XYLT1: variants seen among roughly 807,000 people sequenced by gnomAD.
The protein encoded by XYLT1 is beta-D-xylosyltransferase 1.
Under a neutral mutation model 91.3 loss-of-function variants are expected in XYLT1, and 36 were observed. The observed-to-expected ratio is 0.39, with a 90% CI of 0.30 to 0.52. The LOEUF is 0.52. Ranked by LOEUF, XYLT1 falls within the 20% of genes least tolerant of loss-of-function variation. The pLI is 0.68. For missense variants in XYLT1, 1,242 were observed against 1,284.5 expected (o/e 0.97, Z 0.51); for synonymous variants, 588 against 532.0 (o/e 1.11, Z -1.45).
At chr16:17,438,252 TC>T (rs2036486309) in intron 1 of XYLT1, among the ~76,000 whole-genome samples, 1 of 152,138 alleles carries the variant, frequency 6.6e-6, no homozygotes, top group African/African-American at 2.4e-5. Flanking sequence ...TTAATAGCGC[TC>T]TCCCCTAACT....
chr16:17,390,046 C>CTCTTCAGCA (rs1332822622), intron 1 of XYLT1, among the ~76,000 whole-genome samples: 1 of 152,212 alleles, frequency 6.6e-6, no homozygotes, highest in African/African-American at 2.4e-5. Flanking sequence ...CCCTGCCCAT[C>CTCTTCAGCA]TCTTCAGCAT....
chr16:17,369,364 C>A (rs1232521588), intron 1 of XYLT1, among the ~76,000 whole-genome samples: 1 of 152,050 alleles, frequency 6.6e-6, no homozygotes, highest in Admixed American at 6.6e-5. Flanking sequence ...TCATGATATT[C>A]TGATTTGTGG....
chr16:17,126,619 C>T (rs936761797), intron 10 of XYLT1, among the ~76,000 whole-genome samples: 6 of 152,230 alleles, frequency 3.9e-5, no homozygotes, highest in African/African-American at 1.4e-4. Flanking sequence ...CCAACATACT[C>T]TTAGCCCCTC....
intron 1 of XYLT1, among the ~76,000 whole-genome samples, chr16:17,393,920 C>T (rs1419344974): frequency 3.9e-5 from 6 of 152,000 alleles, no homozygotes; most frequent in East Asian, 1.9e-4. Context: ...GGACTACAGG[C>T]GCCCGCCACC....
At chr16:17,121,583 T>C (rs1481371317) in intron 10 of XYLT1, among the ~76,000 whole-genome samples, 1 of 152,232 alleles carries the variant, frequency 6.6e-6, no homozygotes, top group Non-Finnish European at 1.5e-5. Context: ...ATAATGTGTA[T>C]GTATATGTAT....
intron 2 of XYLT1, among the ~76,000 whole-genome samples, chr16:17,324,342 T>A (rs1049526109): frequency 1.3e-5 from 2 of 152,138 alleles, no homozygotes; most frequent in Non-Finnish European, 2.9e-5. Context: ...GAGCCCAGCA[T>A]GACACATGCG....
intron 2 of XYLT1, among the ~76,000 whole-genome samples, chr16:17,355,916 G>T (rs1368027096): frequency 1.3e-5 from 2 of 152,052 alleles, no homozygotes; most frequent in African/African-American, 2.4e-5. Flanking sequence ...GTTTCACCAT[G>T]TTGGCCAGGC....
intron 1 of XYLT1, chr16:17,446,223 C>A (rs1438433696): frequency 6.6e-6 from 1 of 152,230 alleles, no homozygotes; most frequent in Non-Finnish European, 1.5e-5. Context: ...AATCCAGCCT[C>A]TGTGAGCTGC....
chr16:17,239,585 C>A (rs2033312078), intron 3 of XYLT1, among the ~76,000 whole-genome samples: 1 of 131,520 alleles, frequency 7.6e-6, no homozygotes, highest in East Asian at 2.3e-4. Flanking sequence ...CATCCACTCA[C>A]CTAGTCCGTC....
chr16:17,456,090 C>T (rs147038059), intron 1 of XYLT1, among the ~76,000 whole-genome samples: 2 of 152,148 alleles, frequency 1.3e-5, no homozygotes, highest in East Asian at 1.9e-4. Flanking sequence ...AGGTGGAGGC[C>T]GTCACCCCAG....
At chr16:17,293,162 C>A (rs1370532141) in intron 2 of XYLT1, among the ~76,000 whole-genome samples, 1 of 152,172 alleles carries the variant, frequency 6.6e-6, no homozygotes, top group Non-Finnish European at 1.5e-5. Context: ...AGTTGATTCT[C>A]TGTCGGCTAC....
chr16:17,227,422 A>G, intron 3 of XYLT1: 1 of 153,020 alleles, frequency 6.5e-6, no homozygotes, highest in African/African-American at 2.4e-5. Flanking sequence ...AGGGAGGAGG[A>G]GCAGCAGGAA....
chr16:17,467,142 G>A (rs988469284), intron 1 of XYLT1, among the ~76,000 whole-genome samples: 1 of 152,162 alleles, frequency 6.6e-6, no homozygotes, highest in Non-Finnish European at 1.5e-5. Context: ...ATTCTACTTT[G>A]TGTGCTTATG....
At chr16:17,197,207 T>C (rs1197715722) in intron 5 of XYLT1, among the ~76,000 whole-genome samples, 1 of 151,886 alleles carries the variant, frequency 6.6e-6, no homozygotes, top group Non-Finnish European at 1.5e-5. Flanking sequence ...TGAACCCTGC[T>C]GTTCCTCGCA....
chr16:17,353,366 A>G (rs1027516489), intron 2 of XYLT1, among the ~76,000 whole-genome samples: 40 of 152,176 alleles, frequency 2.6e-4, no homozygotes, highest in African/African-American at 9.4e-4. Context: ...TGAGGGCAGG[A>G]GGAGGCAGAG....
rs955329159 is a variant in XYLT1 at position 17,312,347 on chromosome 16, G to A, written c.402+45665C>T. ...TCCCTGCTGGCATAGTACTGTGAAG[G>A]ACTCAATGAAACATCCCTGAAATCC... On this transcript the variant is annotated intron_variant, in intron 2 of 11. Transcript: ENST00000261381. This position sits in a 1 kb window ranked among gnomAD's most constrained non-coding sequence, Gnocchi z 4.4. Among the ~76,000 whole-genome samples the A allele has an allele frequency of 2.0e-5, 3 of 152,136 alleles. No individual in the cohort carries two copies. The highest frequency in any genetic ancestry group is 7.2e-5 in the African/African-American group (3 of 41,424).
intron 3 of XYLT1, among the ~76,000 whole-genome samples, chr16:17,220,750 G>T (rs2032952459): frequency 6.6e-6 from 1 of 152,220 alleles, no homozygotes; most frequent in African/African-American, 2.4e-5. Context: ...TGGGATAACA[G>T]GTGTGAGCCA....
intron 5 of XYLT1, among the ~76,000 whole-genome samples, chr16:17,176,942 A>G (rs1221464101): frequency 6.6e-6 from 1 of 151,812 alleles, no homozygotes; most frequent in African/African-American, 2.4e-5. Context: ...AAGGCTTCCC[A>G]TTGCTTATAG....
At chr16:17,234,087 G>A (rs2033209189) in intron 3 of XYLT1, among the ~76,000 whole-genome samples, 2 of 152,158 alleles carry the variant, frequency 1.3e-5, no homozygotes, top group South Asian at 4.1e-4. Context: ...CACACTTATG[G>A]AGTGATTCTC....
Sources: allele counts gnomAD v4.1 joint callset (sites outside exome capture counted in the v4.1 genomes callset), GRCh38; gene constraint gnomAD v4.1.1; non-coding constraint Gnocchi (gnomAD v3.1); transcripts MANE v1.5; gene names NCBI Gene and HGNC (gene_info 2026-07-23, HGNC 2026-07-21).